DLG2: variants seen among roughly 807,000 people sequenced by gnomAD.
DLG2 encodes the protein discs large MAGUK scaffold protein 2.
DLG2 carries 45 observed loss-of-function variants against 132.5 expected under a neutral mutation model. The observed-to-expected ratio is 0.34, with a 90% confidence interval of 0.27 to 0.44. The LOEUF (loss-of-function observed/expected upper bound fraction) is 0.44, where lower values mean the gene tolerates loss of function less well. DLG2 is among the 20% of genes least tolerant of loss of function. The pLI is 1.00. For synonymous variants in DLG2, 424 were observed against 419.6 expected (o/e 1.01, Z -0.13); for missense variants, 1,045 against 1,196.9 (o/e 0.87, Z 1.87).
chr11:84,455,724 A>G (rs935960966), intron 7 of DLG2, among the ~76,000 whole-genome samples: 1 of 151,430 alleles, frequency 6.6e-6, no homozygotes, highest in African/African-American at 2.4e-5. Context: ...TTAAAAAGGC[A>G]TAGCCGCTAT....
chr11:84,402,350 G>A (rs1305152711), intron 7 of DLG2, among the ~76,000 whole-genome samples: 1 of 152,130 alleles, frequency 6.6e-6, no homozygotes, highest in Admixed American at 6.5e-5. Flanking sequence ...TCATTGAATG[G>A]TTAAGATCTG....
intron 6 of DLG2, among the ~76,000 whole-genome samples, chr11:84,808,172 A>C (rs905586470): frequency 2.0e-5 from 3 of 152,122 alleles, no homozygotes; most frequent in Non-Finnish European, 4.4e-5. Flanking sequence ...GCAAAATTAA[A>C]GATAACACAA....
intron 6 of DLG2, among the ~76,000 whole-genome samples, chr11:84,945,359 T>C (rs2050064276): frequency 6.6e-6 from 1 of 152,194 alleles, no homozygotes; most frequent in African/African-American, 2.4e-5. Context: ...GGAGAATTCC[T>C]GAGATTACCA....
intron 7 of DLG2, among the ~76,000 whole-genome samples, chr11:84,457,909 G>T (rs1602475961): frequency 1.3e-5 from 2 of 150,650 alleles, no homozygotes; most frequent in African/African-American, 4.9e-5. Flanking sequence ...TTTAATATTT[G>T]TCTTATTTTT....
chr11:83,954,096 T>C (rs1178173000), intron 14 of DLG2, among the ~76,000 whole-genome samples: 5 of 152,234 alleles, frequency 3.3e-5, no homozygotes, highest in Admixed American at 6.5e-5. Context: ...TCTGGCTAAC[T>C]CATGAGCACA....
chr11:83,762,373 T>C (rs903270965), intron 18 of DLG2, among the ~76,000 whole-genome samples: 2 of 152,220 alleles, frequency 1.3e-5, no homozygotes, highest in African/African-American at 4.8e-5. Context: ...ACCATTCTAT[T>C]CAAGTTACAA....
intron 6 of DLG2, among the ~76,000 whole-genome samples, chr11:84,795,708 A>G (rs2074496191): frequency 6.6e-6 from 1 of 152,168 alleles, no homozygotes; most frequent in African/African-American, 2.4e-5. Context: ...GAAGGAGAGA[A>G]GAGCTCCAGC....
At chr11:85,122,849 T>A (rs1190177773) in intron 5 of DLG2, among the ~76,000 whole-genome samples, 1 of 147,178 alleles carries the variant, frequency 6.8e-6, no homozygotes, top group Non-Finnish European at 1.5e-5. Flanking sequence ...CACACACACA[T>A]AAATGCACAC....
At chr11:83,917,470 C>T (rs1447978608) in intron 15 of DLG2, among the ~76,000 whole-genome samples, 3 of 152,144 alleles carry the variant, frequency 2.0e-5, no homozygotes, top group Non-Finnish European at 1.5e-5. Context: ...ATGAAAAAGA[C>T]TTTAACAAAA....
chr11:85,036,790 A>G (rs902019587), intron 6 of DLG2, among the ~76,000 whole-genome samples: 2 of 152,134 alleles, frequency 1.3e-5, no homozygotes, highest in East Asian at 1.9e-4. Flanking sequence ...TTTTGGCTTG[A>G]TTTTCTGTTC....
At chr11:85,628,057 T>C (rs975132568), upstream of DLG2, 8 of 153,306 alleles carry the variant, frequency 5.2e-5, no homozygotes, top group African/African-American at 1.7e-4. Context: ...AGGATGCAAA[T>C]TGAGGGGACT....
intron 4 of DLG2, among the ~76,000 whole-genome samples, chr11:85,237,587 T>G (rs1331298136): frequency 1.3e-5 from 2 of 152,024 alleles, no homozygotes; most frequent in African/African-American, 4.8e-5. Flanking sequence ...GGACTTACAC[T>G]TGTGGCCAAG....
At chr11:84,728,575 G>A (rs373797296) in intron 6 of DLG2, among the ~76,000 whole-genome samples, 9 of 152,144 alleles carry the variant, frequency 5.9e-5, no homozygotes, top group Non-Finnish European at 1.0e-4. Flanking sequence ...TCTCTGCCAG[G>A]TGTTGGTATC....
chr11:83,974,290 TAAC>T lies in DLG2; in HGVS notation c.1056+6213_1056+6215del, dbSNP rs1278445253. ...AATTTTGTAGATTTACCAAAAATAA[TAAC>T]AATTTCAGTCATCACAACTAATACT... On this transcript the variant is annotated intron_variant, in intron 12 of 27. Coordinates refer to ENST00000376104, the MANE Select transcript of DLG2 (RefSeq NM_001142699.3). Among the ~76,000 whole-genome samples, 3 of 152,208 alleles carry T rather than the reference TAAC, an allele frequency of 2.0e-5. No individual in the cohort carries two copies. In the East Asian group the frequency reaches 5.8e-4, roughly 29 times the overall value.
intron 6 of DLG2, among the ~76,000 whole-genome samples, chr11:85,025,605 A>C (rs1235670444): frequency 6.6e-6 from 1 of 152,072 alleles, no homozygotes; most frequent in East Asian, 2.0e-4. Flanking sequence ...TAATATATAC[A>C]GTTAATGAAA....
chr11:85,352,473 C>CCT (rs1231750058), intron 3 of DLG2, among the ~76,000 whole-genome samples: 1 of 152,108 alleles, frequency 6.6e-6, no homozygotes, highest in African/African-American at 2.4e-5. Flanking sequence ...TTTGCTCTTG[C>CCT]TTCTCAGTTC....
chr11:84,730,143 A>G (rs944350748), intron 6 of DLG2, among the ~76,000 whole-genome samples: 3 of 152,034 alleles, frequency 2.0e-5, no homozygotes, highest in Non-Finnish European at 4.4e-5. Flanking sequence ...ATTGTTCACC[A>G]AATTTGATGT....
At chr11:85,416,978 T>C (rs986762489) in intron 3 of DLG2, among the ~76,000 whole-genome samples, 3 of 152,162 alleles carry the variant, frequency 2.0e-5, no homozygotes, top group Non-Finnish European at 4.4e-5. Context: ...TCCAATACTA[T>C]ATCGAATAGG....
chr11:83,503,971 C>A (rs1201854013), intron 21 of DLG2, among the ~76,000 whole-genome samples: 1 of 152,120 alleles, frequency 6.6e-6, no homozygotes, highest in African/African-American at 2.4e-5. Flanking sequence ...CTTCGTACAA[C>A]CAGAAATGCA....
Sources: gnomAD v4.1 joint callset for allele counts (sites outside exome capture counted in the v4.1 genomes callset) on GRCh38, gnomAD v4.1.1 for gene constraint, MANE v1.5 for transcripts, NCBI Gene and HGNC (gene_info 2026-07-23, HGNC 2026-07-21) for gene names.